The following PAM variants were observed in gnomAD, a reference collection of about 807,000 sequenced individuals.
The protein encoded by PAM is peptidylglycine alpha-amidating monooxygenase.
Under a neutral mutation model 122.1 loss-of-function variants are expected in PAM, and 72 were observed. The observed-to-expected ratio is 0.59, with a 90% CI of 0.49 to 0.72. PAM has a LOEUF of 0.72. Ranked by LOEUF, PAM falls within the 30% of genes least tolerant of loss-of-function variation. The pLI, the probability that PAM is intolerant of heterozygous loss-of-function variation, is 0.00. For missense variants in PAM, 1,106 were observed against 1,183.7 expected, an observed-to-expected ratio of 0.93 and a Z score of 0.96; for synonymous variants, 389 against 404.4, an observed-to-expected ratio of 0.96 and a Z score of 0.46.
At chr5:102,962,480 G>A (rs1762780469) in intron 14 of PAM, among the ~76,000 whole-genome samples, 1 of 151,772 alleles carries the variant, frequency 6.6e-6, no homozygotes, top group Non-Finnish European at 1.5e-5. Flanking sequence ...TGAAATGTAT[G>A]TCTTTAAAAT....
At chr5:102,897,482 C>T (rs886397431) in intron 3 of PAM, among the ~76,000 whole-genome samples, 1 of 151,586 alleles carries the variant, frequency 6.6e-6, no homozygotes, top group African/African-American at 2.4e-5. Context: ...TTAATCTCTC[C>T]ATCATCTTTC....
chr5:103,000,790 T>C (rs990308684), intron 16 of PAM, among the ~76,000 whole-genome samples: 1 of 152,012 alleles, frequency 6.6e-6, no homozygotes, highest in African/African-American at 2.4e-5. Flanking sequence ...TCATGAGAAC[T>C]CACTATCATG....
At chr5:102,899,216 A>T (rs1277157674) in intron 3 of PAM, among the ~76,000 whole-genome samples, 1 of 151,708 alleles carries the variant, frequency 6.6e-6, no homozygotes, top group African/African-American at 2.4e-5. Context: ...AGACATTTTC[A>T]AATTATTCTC....
intron 16 of PAM, among the ~76,000 whole-genome samples, chr5:103,002,644 GA>G (rs1297832142): frequency 1.3e-5 from 2 of 152,128 alleles, no homozygotes; most frequent in African/African-American, 2.4e-5. Flanking sequence ...CAATATGAAA[GA>G]AAATGTCTAT....
At chr5:103,027,856 A>T (rs1052345066) in intron 24 of PAM, among the ~76,000 whole-genome samples, 1 of 152,202 alleles carries the variant, frequency 6.6e-6, no homozygotes, top group African/African-American at 2.4e-5. Flanking sequence ...AGTGTTCTAA[A>T]TGTGTCACAT....
At chr5:102,837,200 T>C (rs1378664716) in intron 1 of PAM, among the ~76,000 whole-genome samples, 1 of 152,176 alleles carries the variant, frequency 6.6e-6, no homozygotes, top group Admixed American at 6.6e-5. Context: ...ATAATGTATT[T>C]CAGAGGCTTT....
intron 20 of PAM, 86 bp downstream of exon 20, chr5:103,007,743 A>G: frequency 2.4e-6 from 2 of 825,746 alleles, no homozygotes; most frequent in East Asian, 5.2e-5. Flanking sequence ...CTCTTTTTAT[A>G]AATTTTCTTT....
intron 16 of PAM, among the ~76,000 whole-genome samples, chr5:102,991,287 C>A (rs1367600171): frequency 6.6e-6 from 1 of 152,122 alleles, no homozygotes; most frequent in Non-Finnish European, 1.5e-5. Flanking sequence ...GCTTGCCCCA[C>A]AATTTAGCTA....
downstream of PAM, chr5:103,030,079 A>T (rs1237172587): frequency 6.6e-6 from 1 of 152,150 alleles, no homozygotes; most frequent in Non-Finnish European, 1.5e-5. Flanking sequence ...CTTTTAAAAA[A>T]TAATTTCAGG....
At chr5:102,981,933 C>T (rs1361665126) in intron 15 of PAM, among the ~76,000 whole-genome samples, 1 of 152,196 alleles carries the variant, frequency 6.6e-6, no homozygotes, top group Non-Finnish European at 1.5e-5. Flanking sequence ...TTCCAGAGTT[C>T]ACTTTCAAAA....
intron 7 of PAM, among the ~76,000 whole-genome samples, chr5:102,934,613 C>A (rs973384036): frequency 6.6e-6 from 1 of 152,140 alleles, no homozygotes; most frequent in South Asian, 2.1e-4. Flanking sequence ...GATAGGGACA[C>A]AAACCTTTAT....
chr5:102,935,038 T>C (rs373237138), intron 7 of PAM, among the ~76,000 whole-genome samples: 89 of 152,292 alleles, frequency 5.8e-4, no homozygotes, highest in African/African-American at 1.9e-3. Flanking sequence ...TTATTTTTCC[T>C]CTTTTGGAAA....
chr5:102,851,400 C>T (rs1213875498), intron 1 of PAM, among the ~76,000 whole-genome samples: 2 of 152,044 alleles, frequency 1.3e-5, no homozygotes, highest in African/African-American at 4.8e-5. Flanking sequence ...ATAACAAAGG[C>T]AGCCTTAATG....
intron 1 of PAM, among the ~76,000 whole-genome samples, chr5:102,765,682 A>G (rs1302852887): frequency 6.6e-6 from 1 of 152,206 alleles, no homozygotes; most frequent in Non-Finnish European, 1.5e-5. Flanking sequence ...CAACATCAGT[A>G]TATTGGCAGG....
intron 23 of PAM, 151 bp downstream of exon 23, chr5:103,019,994 C>T: frequency 1.6e-6 from 1 of 634,004 alleles, no homozygotes; most frequent in East Asian, 2.7e-5. Context: ...GCCTTTAAAC[C>T]TGTATGTTGC....
intron 1 of PAM, among the ~76,000 whole-genome samples, chr5:102,830,252 G>GT (rs1306722667): frequency 2.6e-5 from 4 of 151,976 alleles, no homozygotes; most frequent in South Asian, 2.1e-4. Flanking sequence ...TAGCATAATT[G>GT]TTTTTTTTCT....
At chr5:103,009,694 T>A in intron 20 of PAM, 57 bp from the exon 21 acceptor site, 1 of 905,908 alleles carries the variant, frequency 1.1e-6, no homozygotes, top group Non-Finnish European at 1.9e-6. Context: ...ATGGATATAT[T>A]AGAAGTCCAT....
intron 23 of PAM, among the ~76,000 whole-genome samples, chr5:103,023,142 T>C (rs1313928425): frequency 3.3e-5 from 5 of 152,120 alleles, no homozygotes; most frequent in Non-Finnish European, 1.5e-5. Flanking sequence ...TGCCTCATTC[T>C]CATTACTTTC....
chr5:103,016,485 C>T (rs1782027188), intron 21 of PAM, among the ~76,000 whole-genome samples: 1 of 152,168 alleles, frequency 6.6e-6, no homozygotes, highest in South Asian at 2.1e-4. Flanking sequence ...CCCAGGGCAC[C>T]TTTGGAGGCT....
Sources: gnomAD v4.1 joint callset for allele counts (sites outside exome capture counted in the v4.1 genomes callset) on GRCh38, gnomAD v4.1.1 for gene constraint, MANE v1.5 for transcripts, NCBI Gene and HGNC (gene_info 2026-07-23, HGNC 2026-07-21) for gene names.